Variants in EIF4G1 observed in about 807,000 individuals in gnomAD.
The protein encoded by EIF4G1 is EIF4-gamma.
Under a neutral mutation model 187.8 loss-of-function variants are expected in EIF4G1, and 4 were observed. The observed-to-expected ratio is 0.02, with a 90% CI of 0.01 to 0.05. The LOEUF (loss-of-function observed/expected upper bound fraction) is 0.05, where lower values mean the gene tolerates loss of function less well. Among genes scored for constraint, EIF4G1 ranks in the 10% least tolerant of loss-of-function variants. The pLI, the probability that EIF4G1 is intolerant of heterozygous loss-of-function variation, is 1.00. For missense variants in EIF4G1, 1,647 were observed against 2,081.1 expected, an observed-to-expected ratio of 0.79 and a Z score of 4.06; for synonymous variants, 844 against 781.4, an observed-to-expected ratio of 1.08 and a Z score of -1.34.
chr3:184,324,323 A>G lies in EIF4G1; in HGVS notation c.2595A>G (p.Gln865=), dbSNP rs1024587512. ...ATGATGAGGTTTTTGAGAAGAAGCA[A>G]AAAGAGATGGATGAAGCTGCTACGG... ...KDDDEVFEKK[Q]KEMDEAATAE... Residue 865 remains glutamine (Q), a synonymous_variant, in exon 17 of 33, where the codon CAA becomes CAG. Transcript: ENST00000346169. 1.2e-5 allele frequency: 19 copies of G among 1,614,110 alleles called. No homozygotes were observed. Among genetic ancestry groups the G allele is most frequent in the Non-Finnish European group, 5.1e-6 (6 of 1,180,048 alleles).
In EIF4G1 at chr3:184,334,665, C is replaced by T. The variant is rs925467062; in HGVS notation, c.4619-62C>T. 5 of 1,608,554 alleles carry T rather than the reference C, an allele frequency of 3.1e-6. No homozygotes were observed. The highest frequency in any genetic ancestry group is 3.4e-6 in the Non-Finnish European group (4 of 1,175,910). On this transcript the variant is annotated intron_variant, in intron 32 of 32. Transcript: ENST00000346169. The surrounding 1 kb of genome is among the most constrained non-coding windows in gnomAD (Gnocchi z 5.8). ...TGAACAGTGGAACTTGGGAGGGTTCCCTGGGGTGGGCTGGGGTGGCGGTGG... is the reference window on the plus strand; with the variant it reads ...TGAACAGTGGAACTTGGGAGGGTTCTCTGGGGTGGGCTGGGGTGGCGGTGG...
At chr3:184,318,944 C>T (rs767933111) in intron 6 of EIF4G1, among the ~76,000 whole-genome samples, 4 of 152,020 alleles carry the variant, frequency 2.6e-5, no homozygotes, top group Admixed American at 6.5e-5. Context: ...CCTGGTGATG[C>T]ACTCTTGTAA....
intron 2 of EIF4G1, 52 bp downstream of exon 2, chr3:184,315,597 G>A (rs1722626690): frequency 2.6e-6 from 2 of 770,494 alleles, no homozygotes; most frequent in South Asian, 2.7e-5. Context: ...AAGTGATGCG[G>A]GTTTGACAGC....
At chr3:184,315,880 G>T (rs1453740338) in intron 3 of EIF4G1, 24 bp downstream of exon 3, 39 of 1,537,272 alleles carry the variant, frequency 2.5e-5, no homozygotes, top group Non-Finnish European at 4.4e-6. Flanking sequence ...AATTAGCAGG[G>T]GTGGGGGTGG....
At chr3:184,326,018 A>G in intron 21 of EIF4G1, 67 bp downstream of exon 21, 1 of 1,529,082 alleles carries the variant, frequency 6.5e-7, no homozygotes, top group Non-Finnish European at 9.1e-7. Context: ...ACTTTTCTAA[A>G]GTTGAGAAGG....
intron 7 of EIF4G1, among the ~76,000 whole-genome samples, chr3:184,320,038 G>C (rs776063334): frequency 1.3e-5 from 2 of 152,268 alleles, no homozygotes; most frequent in East Asian, 3.9e-4. Flanking sequence ...CCTGGGTGCT[G>C]GGGGGTTGGA....
chr3:184,315,202 G>GC (rs1259561519), intron 1 of EIF4G1: 95 of 356,908 alleles, frequency 2.7e-4, no homozygotes, highest in South Asian at 1.9e-3. Context: ...GCCGCCGCCC[G>GC]CCTGGCCTTT....
intron 22 of EIF4G1, 39 bp downstream of exon 22, chr3:184,326,668 A>G: frequency 6.2e-7 from 1 of 1,601,760 alleles, no homozygotes; most frequent in Non-Finnish European, 8.5e-7. Context: ...GTTACCCGTC[A>G]GAGCTCCCTT....
At chr3:184,317,631 T>C (rs1577185489) in intron 5 of EIF4G1, 86 bp from the exon 6 acceptor site, 3 of 1,532,008 alleles carry the variant, frequency 2.0e-6, no homozygotes. Context: ...TGGCTTGTCT[T>C]GTCTTGACCT....
intron 17 of EIF4G1, 109 bp from the exon 18 acceptor site, chr3:184,324,769 G>A (rs967369828): frequency 9.8e-6 from 12 of 1,228,672 alleles, no homozygotes; most frequent in South Asian, 2.4e-5. Context: ...CCAGCCAGCC[G>A]GCCTCAGGAC....
rs753625219 is a variant in EIF4G1, at chr3:184,326,521, C to T, written c.3223-6C>T. On this transcript the variant is annotated splice_region_variant and splice_polypyrimidine_tract_variant and intron_variant, in intron 21 of 32. Transcript: ENST00000346169. Reference sequence around the variant, plus strand: ...CCTATGATTCTACTCCCCTTTTCTTCTTCAGCCTGGCTCCATCGATTCTAA... The same window carrying T: ...CCTATGATTCTACTCCCCTTTTCTTTTTCAGCCTGGCTCCATCGATTCTAA... 1.2e-6 allele frequency: 2 copies of T among 1,613,996 alleles called. No individual in the cohort carries two copies. The highest frequency in any genetic ancestry group is 1.1e-5 in the South Asian group (1 of 91,080).
At chr3:184,326,397 C>G in intron 21 of EIF4G1, 130 bp from the exon 22 acceptor site, 2 of 890,300 alleles carry the variant, frequency 2.2e-6, no homozygotes, top group Non-Finnish European at 3.7e-6. Context: ...TAGAGACTGG[C>G]CCTTTATTAA....
At chr3:184,329,558 G>A (rs771215694) in intron 28 of EIF4G1, among the ~76,000 whole-genome samples, 1 of 152,188 alleles carries the variant, frequency 6.6e-6, no homozygotes, top group African/African-American at 2.4e-5. Flanking sequence ...GACCCGGGAG[G>A]CGGAGGTAGC....
chr3:184,325,220 A>G lies in EIF4G1; in HGVS notation c.2857-49A>G. On this transcript the variant is annotated intron_variant, in intron 18 of 32. Coordinates refer to ENST00000346169, the MANE Select transcript of EIF4G1 (RefSeq NM_198241.3). This position sits in a 1 kb window ranked among gnomAD's most constrained non-coding sequence, Gnocchi z 5.2. ...CTGAGGAGGGGTGGGGCCTGCAGTT[A>G]TAGGTGGGACATGAGAAGTTCCTGG... 1.2e-6 allele frequency: 2 copies of G among 1,608,858 alleles called. No individual in the cohort carries two copies. Among genetic ancestry groups the G allele is most frequent in the Non-Finnish European group, 1.7e-6 (2 of 1,175,244 alleles).
intron 26 of EIF4G1, 71 bp from the exon 27 acceptor site, chr3:184,328,560 C>G (rs948086857): frequency 1.2e-6 from 2 of 1,608,478 alleles, no homozygotes; most frequent in African/African-American, 2.7e-5. Context: ...ATGCCCTAGC[C>G]ATGCCACGTT....
Position 184,325,426 on chromosome 3 carries a change from C to G in EIF4G1, c.2961+53C>G. 6.2e-7 allele frequency: 1 copy of G among 1,614,182 alleles called. No homozygotes were observed. The highest frequency in any genetic ancestry group is 8.5e-7 in the Non-Finnish European group (1 of 1,180,024). On this transcript the variant is annotated intron_variant, in intron 19 of 32. Transcript: ENST00000346169. The surrounding 1 kb of genome is among the most constrained non-coding windows in gnomAD (Gnocchi z 5.2). ...AGCCTGCTGCCTCCAGTTTCTGACA[C>G]TGCCTTGTCTTGCCTTCCCTGACAT...
intron 17 of EIF4G1, 70 bp downstream of exon 17, chr3:184,324,417 G>C: frequency 6.2e-7 from 1 of 1,609,244 alleles, no homozygotes; most frequent in Non-Finnish European, 8.5e-7. Flanking sequence ...CTACTCAGCT[G>C]TAGAATTTGG....
intron 11 of EIF4G1, 45 bp from the exon 12 acceptor site, chr3:184,322,499 G>A: frequency 1.9e-6 from 3 of 1,614,022 alleles, no homozygotes; most frequent in Non-Finnish European, 2.5e-6. Context: ...GAGGTATGGA[G>A]CAGTGGTCAT....
In EIF4G1 at chr3:184,321,926, G is replaced by A. The variant is rs540478617; in HGVS notation, c.1342G>A (p.Ala448Thr). Reference protein sequence around the residue: ...PSATPATAPSATSPAQEEEME... With the variant: ...PSATPATAPSTTSPAQEEEME... ...TGCTACTCCAGCTACGGCTCCTTCA[G>A]CTACTTCCCCAGCTCAGGAGGAGGA... Residue 448 changes from alanine to threonine, a missense_variant, in exon 10 of 33, where the codon GCT (alanine) becomes ACT (threonine). Physicochemically the swap from Ala to Thr is moderately conservative, Grantham distance 58. Around this residue, in one of 11 missense-constraint regions of EIF4G1, gnomAD observed 522 missense variants for 485.2 expected, o/e 1.08. Transcript: ENST00000346169. 3.1e-6 allele frequency: 5 copies of A among 1,614,174 alleles called. No homozygotes were observed. The South Asian group carries it at 5.5e-5, about 18-fold the overall frequency.
Sources: allele counts gnomAD v4.1 joint callset (sites outside exome capture counted in the v4.1 genomes callset), GRCh38; gene constraint gnomAD v4.1.1; regional missense constraint gnomAD v4.1.1; non-coding constraint Gnocchi (gnomAD v3.1); transcripts MANE v1.5; gene names NCBI Gene and HGNC (gene_info 2026-07-23, HGNC 2026-07-21).